Variants in ZNF827 observed in about 807,000 individuals in gnomAD.
ZNF827 encodes zinc finger protein 827.
ZNF827 carries 13 observed loss-of-function variants against 102.4 expected under a neutral mutation model. The ratio of observed to expected loss-of-function variants is 0.13; its 90% CI spans 0.08 to 0.20. The LOEUF (loss-of-function observed/expected upper bound fraction) is 0.20. Ranked by LOEUF, ZNF827 falls within the 10% of genes least tolerant of loss-of-function variation. The probability of loss-of-function intolerance (pLI) is 1.00; values close to 1 mark genes in which losing one functional copy is unlikely to be tolerated. For missense variants in ZNF827, 1,103 were observed against 1,344.4 expected, an observed-to-expected ratio of 0.82 and a Z score of 2.81; for synonymous variants, 523 against 536.2, an observed-to-expected ratio of 0.98 and a Z score of 0.34.
In ZNF827 at chr4:145,787,191, G is replaced by A. The variant is rs139321153; in HGVS notation, c.2384-7680C>T. Among the ~76,000 whole-genome samples, 367 of 152,262 alleles carry A rather than the reference G, an allele frequency of 2.4e-3. 3 individuals are homozygous for A. Among genetic ancestry groups the A allele is most frequent in the Non-Finnish European group, 2.9e-3 (197 of 68,022 alleles). ...GAGAAATAGTTTTTGTCGGCCGGGC[G>A]CAGTGGCTCAGGCCTGTAATCCCGG... is the stretch of plus-strand genomic sequence containing the variant. On this transcript the variant is annotated intron_variant, in intron 8 of 14. Transcript: ENST00000508784.
chr4:145,816,538 T>G (rs1228041330), intron 8 of ZNF827, among the ~76,000 whole-genome samples: 1 of 152,220 alleles, frequency 6.6e-6, no homozygotes, highest in Non-Finnish European at 1.5e-5. Flanking sequence ...TAGCTGACAG[T>G]GCCTAATGAA....
At chr4:145,888,304 C>T (rs1307672210) in intron 3 of ZNF827, among the ~76,000 whole-genome samples, 1 of 152,176 alleles carries the variant, frequency 6.6e-6, no homozygotes. Context: ...GACATTCGAG[C>T]ACTTTTCTGT....
chr4:145,762,981 C>A lies in ZNF827; in HGVS notation c.*17+109G>T. On this transcript the variant is annotated intron_variant, in intron 14 of 14. Coordinates refer to ENST00000508784, the MANE Select transcript of ZNF827 (RefSeq NM_001306215.2). The surrounding 1 kb of genome is among the most constrained non-coding windows in gnomAD (Gnocchi z 4.9). ...TGCACGGCCTCCTCAGCGCCAAGCT[C>A]GCCGTTAGCCTTTGAACCTCAGCTC... 9.1e-7 allele frequency: 1 copy of A among 1,101,848 alleles called. No individual in the cohort carries two copies. Among genetic ancestry groups the A allele is most frequent in the South Asian group, 1.5e-5 (1 of 65,902 alleles). The allele number at this position is 1,101,848 out of a possible 1,614,324, so 68.3% of individuals were successfully genotyped here. A position where few individuals can be genotyped will look rare whatever the true frequency, so the allele number is the denominator to read the frequency against.
chr4:145,930,922 T>C (rs1428893586), intron 1 of ZNF827, among the ~76,000 whole-genome samples: 2 of 152,264 alleles, frequency 1.3e-5, no homozygotes, highest in Non-Finnish European at 2.9e-5. Context: ...ACCCATGCCA[T>C]TTAAGATTAG....
rs144958102 is a variant in ZNF827, at chr4:145,765,636, T to G, written c.2963A>C (p.Gln988Pro). The change falls in exon 12 of 15, where the codon CAG (glutamine) becomes CCG (proline). Residue 988 changes from glutamine (Q) to proline (P), a missense_variant. Around this residue, in one of 5 missense-constraint regions of ZNF827, gnomAD observed 242 missense variants for 361.9 expected, o/e 0.67. Transcript: ENST00000508784. This position sits in a 1 kb window ranked among gnomAD's most constrained non-coding sequence, Gnocchi z 4.7. ...CAGATTGTTCCCGCCCTTGTTTTTC[T>G]GGGAGCCATCTGAATCATCTTTGCT... ...ANSKDDSDGS[Q>P]KNKGGNNLLV... is the part of the protein sequence containing the mutation. 2.4e-5 allele frequency: 38 copies of G among 1,614,032 alleles called. No homozygotes were observed. Among genetic ancestry groups the G allele is most frequent in the Non-Finnish European group, 3.2e-5 (38 of 1,180,032 alleles).
At chr4:145,905,403 G>A (rs1357030760) in intron 1 of ZNF827, among the ~76,000 whole-genome samples, 3 of 152,144 alleles carry the variant, frequency 2.0e-5, no homozygotes, top group Non-Finnish European at 4.4e-5. Flanking sequence ...CTAAAATTCT[G>A]CAACTCCTTC....
At chr4:145,783,012 T>C (rs1035723876) in intron 8 of ZNF827, among the ~76,000 whole-genome samples, 4 of 152,206 alleles carry the variant, frequency 2.6e-5, no homozygotes, top group Admixed American at 6.5e-5. Flanking sequence ...GGAACTTTTA[T>C]GAATATTTCC....
At position 145,902,629 on chromosome 4, in the gene ZNF827, T is replaced by C; in HGVS notation, c.630A>G (p.Ser210=). ...CTGCAGCTTTCAGTTTTAGGATGGC[T>C]GAATCCGGAGACAAGCTGCAGGTGG... is the stretch of plus-strand genomic sequence containing the variant. The part of the protein sequence containing the change: ...STTTCSLSPD[S]AILKLKAAAN... The change falls in exon 2 of 15, where the codon TCA becomes TCG. Residue 210 remains serine, a synonymous_variant. Coordinates refer to ENST00000508784, the MANE Select transcript of ZNF827 (RefSeq NM_001306215.2). The surrounding 1 kb of genome is among the most constrained non-coding windows in gnomAD (Gnocchi z 4.3). 6.2e-7 allele frequency: 1 copy of C among 1,614,102 alleles called. No individual in the cohort carries two copies. Among genetic ancestry groups the C allele is most frequent in the Non-Finnish European group, 8.5e-7 (1 of 1,180,014 alleles).
Position 145,763,210 on chromosome 4 carries a change from G to C in ZNF827, c.3231-88C>G, listed in dbSNP as rs1734794125. ...GTACAAGCAGTTCCATCACAGAAAA[G>C]CAATTTAGACATCAGCAGTCTGTTT... is the stretch of plus-strand genomic sequence containing the variant. On this transcript the variant is annotated intron_variant, in intron 13 of 14. Coordinates refer to ENST00000508784, the MANE Select transcript of ZNF827 (RefSeq NM_001306215.2). The surrounding 1 kb of genome is among the most constrained non-coding windows in gnomAD (Gnocchi z 4.6). 3 of 1,340,022 alleles carry C rather than the reference G, an allele frequency of 2.2e-6. No homozygotes were observed. Among genetic ancestry groups the C allele is most frequent in the Non-Finnish European group, 3.1e-6 (3 of 980,912 alleles). 83.0% of individuals were successfully genotyped at this position (1,340,022 alleles called of 1,614,324 possible). A position where few individuals can be genotyped will look rare whatever the true frequency, so the allele number is the denominator to read the frequency against.
intron 1 of ZNF827, among the ~76,000 whole-genome samples, chr4:145,919,575 G>A (rs1157837078): frequency 1.3e-5 from 2 of 152,160 alleles, no homozygotes; most frequent in Non-Finnish European, 2.9e-5. Flanking sequence ...AACAAAAATT[G>A]AAAACCCTAC....
chr4:145,862,920 T>C (rs1321957241), intron 5 of ZNF827, among the ~76,000 whole-genome samples: 1 of 152,088 alleles, frequency 6.6e-6, no homozygotes, highest in Non-Finnish European at 1.5e-5. Flanking sequence ...ATTAAAAACG[T>C]TCATGCTGCA....
intron 8 of ZNF827, among the ~76,000 whole-genome samples, chr4:145,814,556 G>A (rs1387834031): frequency 6.6e-6 from 1 of 151,902 alleles, no homozygotes; most frequent in Non-Finnish European, 1.5e-5. Flanking sequence ...GCTTTCCTTT[G>A]CTTGGCTCAT....
At chr4:145,867,285 G>GCA (rs1487130618) in intron 5 of ZNF827, among the ~76,000 whole-genome samples, 2 of 152,126 alleles carry the variant, frequency 1.3e-5, no homozygotes, top group Non-Finnish European at 2.9e-5. Context: ...TTTCCCCAAT[G>GCA]CACACTTAAT....
At chr4:145,875,202 A>T (rs949398570) in intron 4 of ZNF827, among the ~76,000 whole-genome samples, 1 of 152,232 alleles carries the variant, frequency 6.6e-6, no homozygotes, top group African/African-American at 2.4e-5. Context: ...AACAACGTAT[A>T]CAACTAGCTC....
intron 7 of ZNF827, among the ~76,000 whole-genome samples, chr4:145,829,033 A>T (rs969806421): frequency 4.6e-5 from 7 of 152,322 alleles, no homozygotes; most frequent in Non-Finnish European, 8.8e-5. Context: ...TCTCATTTTG[A>T]CAGCAATAAC....
At position 145,766,816 on chromosome 4, in the gene ZNF827, A is replaced by G. The variant is rs116431365; in HGVS notation, c.2861-1078T>C. On this transcript the variant is annotated intron_variant, in intron 11 of 14. Transcript: ENST00000508784. The stretch of plus-strand genomic sequence containing the variant: ...CAGTCAGATTGGAAAAACACAATTT[A>G]CAGGGCATTAGGTAGAAAACTAAGA... Among the ~76,000 whole-genome samples the G allele has an allele frequency of 8.2e-4, 125 of 152,308 alleles. 2 individuals are homozygous for G. Among genetic ancestry groups the G allele is most frequent in the African/African-American group, 2.9e-3 (119 of 41,560 alleles).
intron 8 of ZNF827, among the ~76,000 whole-genome samples, chr4:145,807,802 A>T (rs1352125149): frequency 1.3e-5 from 2 of 150,616 alleles, no homozygotes; most frequent in African/African-American, 2.4e-5. Context: ...AACAAAAACA[A>T]AAAAAAAACA....
At chr4:145,823,943 C>T (rs1743414365) in intron 7 of ZNF827, among the ~76,000 whole-genome samples, 1 of 152,184 alleles carries the variant, frequency 6.6e-6, no homozygotes, top group Admixed American at 6.5e-5. Flanking sequence ...CACCTGATCC[C>T]TCAGGGACCC....
chr4:145,846,781 C>A (rs918440934), intron 6 of ZNF827, among the ~76,000 whole-genome samples: 1 of 147,404 alleles, frequency 6.8e-6, no homozygotes, highest in Admixed American at 6.7e-5. Context: ...CGCGCCACTA[C>A]ACTCCAGCCT....
Sources: allele counts gnomAD v4.1 joint callset (sites outside exome capture counted in the v4.1 genomes callset), GRCh38; gene constraint gnomAD v4.1.1; regional missense constraint gnomAD v4.1.1; non-coding constraint Gnocchi (gnomAD v3.1); transcripts MANE v1.5; gene names NCBI Gene and HGNC (gene_info 2026-07-23, HGNC 2026-07-21).